Variants in VPS13B observed in about 807,000 individuals in gnomAD.
The protein encoded by VPS13B is intermembrane lipid transfer protein VPS13B.
In VPS13B, 285 loss-of-function variants were observed where a neutral mutation model predicts 426.4. That is an observed-to-expected ratio of 0.67 (90% CI 0.61 to 0.74). The LOEUF is 0.74. Ranked by LOEUF, VPS13B falls within the 30% of genes least tolerant of loss-of-function variation. The probability of loss-of-function intolerance (pLI) is 0.00; values close to 1 mark genes in which losing one functional copy is unlikely to be tolerated. For missense variants in VPS13B, 4,537 were observed against 4,782.6 expected (o/e 0.95, Z 1.51); for synonymous variants, 1,676 against 1,676.4 (o/e 1.00, Z 0.01).
chr8:99,102,867 C>G, intron 4 of VPS13B, 86 bp from the exon 5 acceptor site: 1 of 1,297,538 alleles, frequency 7.7e-7, no homozygotes, highest in Non-Finnish European at 1.1e-6. Context: ...CCACCTTTCT[C>G]ATACATTAAG....
intron 17 of VPS13B, chr8:99,209,900 G>C (rs1220191468): frequency 3.7e-6 from 1 of 272,148 alleles, no homozygotes; most frequent in Non-Finnish European, 5.5e-6. Flanking sequence ...TATTTGGTTC[G>C]TACTCAAAAT....
chr8:99,132,115 T>C (rs1431655891), intron 8 of VPS13B, among the ~76,000 whole-genome samples: 1 of 151,722 alleles, frequency 6.6e-6, no homozygotes, highest in Non-Finnish European at 1.5e-5. Flanking sequence ...CAGGCTGGTC[T>C]CAAACTCCTG....
chr8:99,488,790 G>T (rs1000339312), intron 25 of VPS13B, among the ~76,000 whole-genome samples: 3 of 152,200 alleles, frequency 2.0e-5, no homozygotes, highest in Non-Finnish European at 4.4e-5. Context: ...TAAGCCCTTT[G>T]TCAGATGGGT....
At chr8:99,851,411 A>G (rs1354710106) in intron 55 of VPS13B, among the ~76,000 whole-genome samples, 1 of 152,166 alleles carries the variant, frequency 6.6e-6, no homozygotes, top group Non-Finnish European at 1.5e-5. Context: ...CTAAAAAGAA[A>G]GGAAATGTTA....
chr8:99,586,385 A>G (rs1326279939), intron 33 of VPS13B, among the ~76,000 whole-genome samples: 2 of 152,148 alleles, frequency 1.3e-5, no homozygotes, highest in African/African-American at 4.8e-5. Context: ...AGCAGTCTAT[A>G]TCTATGCACT....
intron 3 of VPS13B, among the ~76,000 whole-genome samples, chr8:99,091,020 A>G (rs1444381085): frequency 6.6e-6 from 1 of 152,240 alleles, no homozygotes; most frequent in African/African-American, 2.4e-5. Flanking sequence ...TGTCATAGGT[A>G]GCAATAAAGA....
chr8:99,277,603 G>T (rs1206900001), intron 19 of VPS13B, among the ~76,000 whole-genome samples: 1 of 151,990 alleles, frequency 6.6e-6, no homozygotes, highest in African/African-American at 2.4e-5. Flanking sequence ...TATACTTTCA[G>T]CAACTACTTT....
chr8:99,379,155 G>T (rs1813656431), intron 19 of VPS13B, among the ~76,000 whole-genome samples: 1 of 152,130 alleles, frequency 6.6e-6, no homozygotes, highest in Non-Finnish European at 1.5e-5. Context: ...ATTAATGCCT[G>T]ATCATCTGAG....
intron 20 of VPS13B, among the ~76,000 whole-genome samples, chr8:99,387,309 G>A (rs937683440): frequency 1.3e-5 from 2 of 151,714 alleles, no homozygotes; most frequent in Non-Finnish European, 2.9e-5. Context: ...CCTTAACTTC[G>A]TGGGCTCAAG....
chr8:99,201,263 A>G (rs1049606973), intron 17 of VPS13B, among the ~76,000 whole-genome samples: 1 of 152,122 alleles, frequency 6.6e-6, no homozygotes, highest in Non-Finnish European at 1.5e-5. Flanking sequence ...AAATGCATGT[A>G]TATAATTGAG....
At chr8:99,085,827 T>C (rs1294619835) in intron 3 of VPS13B, among the ~76,000 whole-genome samples, 1 of 152,252 alleles carries the variant, frequency 6.6e-6, no homozygotes, top group Non-Finnish European at 1.5e-5. Flanking sequence ...GCTGTTAGTC[T>C]GATGGGCTTC....
At chr8:99,869,152 A>G (rs570767822) in intron 59 of VPS13B, among the ~76,000 whole-genome samples, 35 of 152,228 alleles carry the variant, frequency 2.3e-4, no homozygotes, top group Non-Finnish European at 4.6e-4. Context: ...GACTTTCCAT[A>G]AACCTGTGGC....
At chr8:99,697,873 C>A in intron 35 of VPS13B, 1 of 532,804 alleles carries the variant, frequency 1.9e-6, no homozygotes. Context: ...AGGTCAACAT[C>A]AATGACCTCA....
At chr8:99,669,560 C>CA (rs1301188713) in intron 35 of VPS13B, among the ~76,000 whole-genome samples, 1 of 152,108 alleles carries the variant, frequency 6.6e-6, no homozygotes. Flanking sequence ...ATGGTTATAT[C>CA]AAACACAAGA....
chr8:99,088,166 A>G (rs1023007913), intron 3 of VPS13B, among the ~76,000 whole-genome samples: 2 of 150,198 alleles, frequency 1.3e-5, no homozygotes, highest in African/African-American at 4.9e-5. Context: ...ACTGAGTGAC[A>G]GAGTGAGACC....
intron 29 of VPS13B, among the ~76,000 whole-genome samples, chr8:99,516,281 T>TATA (rs1223017164): frequency 6.6e-6 from 1 of 152,186 alleles, no homozygotes; most frequent in African/African-American, 2.4e-5. Context: ...AGATAATTCT[T>TATA]ACATTATATT....
intron 19 of VPS13B, among the ~76,000 whole-genome samples, chr8:99,350,371 G>A (rs1343511787): frequency 6.6e-6 from 1 of 152,198 alleles, no homozygotes; most frequent in Admixed American, 6.5e-5. Flanking sequence ...AATGTGTTTT[G>A]CGAAGATCAT....
intron 20 of VPS13B, among the ~76,000 whole-genome samples, chr8:99,386,913 G>C (rs1814156001): frequency 6.6e-6 from 1 of 152,120 alleles, no homozygotes; most frequent in Non-Finnish European, 1.5e-5. Flanking sequence ...AGGCTGCAGT[G>C]AACAATGATC....
At chr8:99,160,818 G>A (rs1183566655) in intron 15 of VPS13B, among the ~76,000 whole-genome samples, 1 of 152,170 alleles carries the variant, frequency 6.6e-6, no homozygotes, top group Non-Finnish European at 1.5e-5. Flanking sequence ...CCAATTTCAA[G>A]ATACCAGTTT....
Sources: allele counts gnomAD v4.1 joint callset (sites outside exome capture counted in the v4.1 genomes callset), GRCh38; gene constraint gnomAD v4.1.1; transcripts MANE v1.5; gene names NCBI Gene and HGNC (gene_info 2026-07-23, HGNC 2026-07-21).